SPON1: variants seen among roughly 807,000 people sequenced by gnomAD.
The protein encoded by SPON1 is spondin 1.
In SPON1, 52 loss-of-function variants were observed where a neutral mutation model predicts 111.7. That is an observed-to-expected ratio of 0.47 (90% CI 0.37 to 0.59). SPON1 has a LOEUF of 0.59. Ranked by LOEUF, SPON1 falls within the 20% of genes least tolerant of loss-of-function variation. The pLI, the probability that SPON1 is intolerant of heterozygous loss-of-function variation, is 0.00. For missense variants in SPON1, 957 were observed against 1,068.5 expected, an observed-to-expected ratio of 0.90 and a Z score of 1.46; for synonymous variants, 410 against 395.8, an observed-to-expected ratio of 1.04 and a Z score of -0.43.
chr11:14,195,003 C>T (rs1252388944), intron 6 of SPON1, among the ~76,000 whole-genome samples: 1 of 152,132 alleles, frequency 6.6e-6, no homozygotes, highest in Non-Finnish European at 1.5e-5. Flanking sequence ...GTTGAAGTCA[C>T]TGAAATATTG....
At chr11:14,184,523 G>C (rs1047980994) in intron 6 of SPON1, among the ~76,000 whole-genome samples, 1 of 152,232 alleles carries the variant, frequency 6.6e-6, no homozygotes, top group Non-Finnish European at 1.5e-5. Flanking sequence ...CTTCCTCTCA[G>C]AGGGCCAGCC....
chr11:14,135,608 T>G lies in SPON1; in HGVS notation c.825+40T>G. 1 of 1,599,494 alleles carries G rather than the reference T, an allele frequency of 6.3e-7. No homozygotes were observed. The highest frequency in any genetic ancestry group is 8.6e-7 in the Non-Finnish European group (1 of 1,169,250). ...TCACAGAATGACCAAATAACAGAAA[T>G]GCAGTCAAAGCACTCCTTAGATATC... On this transcript the variant is annotated intron_variant, in intron 6 of 15. Coordinates refer to ENST00000576479, the MANE Select transcript of SPON1 (RefSeq NM_006108.4). The surrounding 1 kb of genome is among the most constrained non-coding windows in gnomAD (Gnocchi z 4.4).
intron 14 of SPON1, among the ~76,000 whole-genome samples, chr11:14,261,399 T>C (rs1849177004): frequency 6.6e-6 from 1 of 152,230 alleles, no homozygotes; most frequent in Middle Eastern, 3.2e-3. Flanking sequence ...CCCTCCAGCA[T>C]GTACTTGCAG....
chr11:14,137,653 T>A (rs1394313859), intron 6 of SPON1, among the ~76,000 whole-genome samples: 2 of 152,178 alleles, frequency 1.3e-5, no homozygotes, highest in East Asian at 3.8e-4. Flanking sequence ...TATAATCTGC[T>A]CCGTGTAAAC....
At chr11:13,993,645 G>T (rs1284500058) in intron 2 of SPON1, among the ~76,000 whole-genome samples, 1 of 152,052 alleles carries the variant, frequency 6.6e-6, no homozygotes, top group East Asian at 1.9e-4. Flanking sequence ...TTTTTCCATT[G>T]CAGTTATTGC....
intron 2 of SPON1, among the ~76,000 whole-genome samples, chr11:14,026,905 A>G (rs1554915389): frequency 6.6e-6 from 1 of 152,228 alleles, no homozygotes; most frequent in Non-Finnish European, 1.5e-5. Flanking sequence ...AAGTGAGACC[A>G]GAAACAAAGG....
intron 5 of SPON1, among the ~76,000 whole-genome samples, chr11:14,111,324 A>G (rs1280765317): frequency 6.6e-6 from 1 of 152,054 alleles, no homozygotes; most frequent in East Asian, 1.9e-4. Flanking sequence ...GCATTCTATG[A>G]TTTTATGGCA....
At chr11:14,003,650 C>G (rs1429201414) in intron 2 of SPON1, among the ~76,000 whole-genome samples, 1 of 151,980 alleles carries the variant, frequency 6.6e-6, no homozygotes, top group Non-Finnish European at 1.5e-5. Flanking sequence ...CCTACATAAG[C>G]ACTATTGGCA....
intron 6 of SPON1, among the ~76,000 whole-genome samples, chr11:14,220,104 A>C (rs1303981289): frequency 6.6e-6 from 1 of 151,522 alleles, no homozygotes; most frequent in South Asian, 2.1e-4. Context: ...AAAAAAAAAA[A>C]AACTTTCCTA....
intron 6 of SPON1, among the ~76,000 whole-genome samples, chr11:14,165,544 T>C (rs937317337): frequency 6.6e-6 from 1 of 152,182 alleles, no homozygotes; most frequent in South Asian, 2.1e-4. Context: ...GTGACCAGCC[T>C]ACTATAAGGT....
chr11:14,151,877 C>T (rs782774258), intron 6 of SPON1, among the ~76,000 whole-genome samples: 5 of 152,146 alleles, frequency 3.3e-5, no homozygotes, highest in Non-Finnish European at 7.3e-5. Flanking sequence ...ACTGTGGAGC[C>T]AATAAGGTTT....
Position 14,262,914 on chromosome 11 carries a change from G to A in SPON1, c.2199G>A (p.Glu733=), listed in dbSNP as rs1554942068. ...NPSIQKLRWR[E]ARESRRSEQL... is the part of the protein sequence containing the mutation. ...CCATCCAAAAGCTACGCTGGAGGGA[G>A]GCCCGAGAGAGCCGGCGGAGTGAGC... Residue 733 remains glutamate, a synonymous_variant, in exon 15 of 16, where the codon GAG becomes GAA. Coordinates refer to ENST00000576479, the MANE Select transcript of SPON1 (RefSeq NM_006108.4). 36 of 1,613,770 alleles carry A rather than the reference G, an allele frequency of 2.2e-5. No individual in the cohort carries two copies. Among genetic ancestry groups the A allele is most frequent in the Non-Finnish European group, 2.9e-5 (34 of 1,179,898 alleles).
chr11:13,998,280 A>G (rs1429997446), intron 2 of SPON1, among the ~76,000 whole-genome samples: 8 of 152,156 alleles, frequency 5.3e-5, no homozygotes, highest in Non-Finnish European at 8.8e-5. Flanking sequence ...GGCCTGTGTC[A>G]TTTTCTCTAT....
intron 2 of SPON1, among the ~76,000 whole-genome samples, chr11:14,037,265 GACA>G (rs1359260636): frequency 1.6e-4 from 25 of 152,106 alleles, no homozygotes; most frequent in African/African-American, 6.0e-4. Context: ...AAAAGACAAT[GACA>G]ACAATTCAGT....
intron 6 of SPON1, among the ~76,000 whole-genome samples, chr11:14,193,444 A>T (rs1554934772): frequency 6.6e-6 from 1 of 152,230 alleles, no homozygotes; most frequent in Non-Finnish European, 1.5e-5. Flanking sequence ...AAACGTATGC[A>T]CACATATATA....
chr11:14,220,095 A>G (rs970841921), intron 6 of SPON1, among the ~76,000 whole-genome samples: 11 of 152,060 alleles, frequency 7.2e-5, no homozygotes, highest in Non-Finnish European at 1.3e-4. Context: ...TCAAAAAAAA[A>G]AAAAAAAAAA....
At chr11:14,177,891 T>G (rs1322250315) in intron 6 of SPON1, among the ~76,000 whole-genome samples, 8 of 152,182 alleles carry the variant, frequency 5.3e-5, no homozygotes, top group African/African-American at 1.2e-4. Context: ...AGTCATAATT[T>G]TGCAAAGGCG....
At chr11:14,240,028 T>C (rs565193125) in intron 6 of SPON1, among the ~76,000 whole-genome samples, 99 of 152,340 alleles carry the variant, frequency 6.5e-4, no homozygotes, top group Admixed American at 2.9e-3. Context: ...CTTGGATGTA[T>C]GAGCAAATAA....
At chr11:14,045,183 G>A (rs2133815549) in intron 3 of SPON1, among the ~76,000 whole-genome samples, 1 of 152,250 alleles carries the variant, frequency 6.6e-6, no homozygotes, top group African/African-American at 2.4e-5. Flanking sequence ...TTGCTCAATG[G>A]CACTTGGTAT....
Sources: gnomAD v4.1 joint callset for allele counts (sites outside exome capture counted in the v4.1 genomes callset) on GRCh38, gnomAD v4.1.1 for gene constraint, Gnocchi (gnomAD v3.1) non-coding constraint, MANE v1.5 for transcripts, NCBI Gene and HGNC (gene_info 2026-07-23, HGNC 2026-07-21) for gene names.